Variants in NOX4 observed in about 807,000 individuals in gnomAD.
NOX4 encodes the protein kidney oxidase-1.
NOX4 carries 69 observed loss-of-function variants against 87.6 expected under a neutral mutation model. The ratio of observed to expected loss-of-function variants is 0.79; its 90% CI spans 0.65 to 0.96. NOX4 has a LOEUF of 0.96. NOX4 is among the 40% of genes least tolerant of loss of function. NOX4 has a pLI of 0.00. For synonymous variants in NOX4, 275 were observed against 238.2 expected (o/e 1.15, Z -1.42); for missense variants, 680 against 681.5 (o/e 1.00, Z 0.02).
intron 12 of NOX4, among the ~76,000 whole-genome samples, chr11:89,355,921 G>C (rs1326620959): frequency 6.6e-6 from 1 of 152,070 alleles, no homozygotes; most frequent in East Asian, 1.9e-4. Flanking sequence ...ATTGACATGA[G>C]AGAATGGACA....
At chr11:89,456,712 C>T (rs978676151) in intron 2 of NOX4, among the ~76,000 whole-genome samples, 2 of 152,126 alleles carry the variant, frequency 1.3e-5, no homozygotes, top group Non-Finnish European at 2.9e-5. Context: ...ATGACTCCCA[C>T]GGACACTTGA....
At chr11:89,560,977 T>C in the NOX4 span, among the ~76,000 whole-genome samples, 1 of 72,496 alleles carries the variant, frequency 1.4e-5, no homozygotes, top group Admixed American at 1.6e-4. Context: ...TCTCTCTCTC[T>C]CTCTCTCTCT....
the NOX4 span, among the ~76,000 whole-genome samples, chr11:89,532,867 G>C: frequency 6.6e-6 from 1 of 152,088 alleles, no homozygotes; most frequent in Non-Finnish European, 1.5e-5. Context: ...TGGTTTAAAA[G>C]TGTGTGGCAT....
At chr11:89,444,041 G>T (rs1944572946) in intron 5 of NOX4, 94 bp downstream of exon 5, 1 of 975,740 alleles carries the variant, frequency 1.0e-6, no homozygotes, top group Admixed American at 1.8e-5. Flanking sequence ...CTCAAAAGGA[G>T]CAGTAAGGTA....
Position 89,491,285 on chromosome 11 carries a change from A to T in NOX4, c.-39T>A. 6.3e-7 allele frequency: 1 copy of T among 1,595,268 alleles called. No individual in the cohort carries two copies. Among genetic ancestry groups the T allele is most frequent in the South Asian group, 1.1e-5 (1 of 89,240 alleles). ...CCGCGCTGCGCTCTGTGCCCGCCGG[A>T]CCGAGAAGGAGCGGGCGGCGGCCGG... On this transcript the variant is annotated 5_prime_UTR_variant, in exon 1 of 18. Coordinates refer to ENST00000263317, the MANE Select transcript of NOX4 (RefSeq NM_016931.5).
intron 2 of NOX4, among the ~76,000 whole-genome samples, chr11:89,457,916 C>G (rs1448852850): frequency 2.0e-5 from 3 of 151,330 alleles, no homozygotes; most frequent in Non-Finnish European, 4.4e-5. Context: ...ATAACACAAA[C>G]AAATGAAAAA....
At chr11:89,520,405 A>C in the NOX4 span, among the ~76,000 whole-genome samples, 1 of 152,146 alleles carries the variant, frequency 6.6e-6, no homozygotes, top group South Asian at 2.1e-4. Flanking sequence ...TCACTCTATC[A>C]GCAAACACAA....
chr11:89,486,414 C>T (rs902136296), intron 2 of NOX4, among the ~76,000 whole-genome samples: 2 of 149,296 alleles, frequency 1.3e-5, no homozygotes, highest in Admixed American at 6.7e-5. Context: ...CTGCCTCAGC[C>T]TTCCAAGTAG....
chr11:89,577,861 C>T, the NOX4 span, among the ~76,000 whole-genome samples: 1 of 152,092 alleles, frequency 6.6e-6, no homozygotes, highest in East Asian at 1.9e-4. Context: ...TTTTACTTTT[C>T]CAAAGATTTT....
At chr11:89,399,086 T>C (rs1365237041) in intron 11 of NOX4, among the ~76,000 whole-genome samples, 2 of 151,928 alleles carry the variant, frequency 1.3e-5, no homozygotes, top group Non-Finnish European at 2.9e-5. Context: ...ATCTGTGAAT[T>C]GTCTAAATGT....
chr11:89,380,043 G>A (rs897494759), intron 11 of NOX4, among the ~76,000 whole-genome samples: 6 of 152,086 alleles, frequency 3.9e-5, no homozygotes, highest in Non-Finnish European at 7.4e-5. Flanking sequence ...TAAATGTTCT[G>A]GATATATGAG....
At chr11:89,375,586 G>A (rs1038576598) in intron 11 of NOX4, among the ~76,000 whole-genome samples, 3 of 151,740 alleles carry the variant, frequency 2.0e-5, no homozygotes, top group African/African-American at 7.3e-5. Flanking sequence ...GAGATTACAG[G>A]CATGAGCTAC....
At chr11:89,367,010 T>TA (rs949534005) in intron 12 of NOX4, among the ~76,000 whole-genome samples, 1 of 152,054 alleles carries the variant, frequency 6.6e-6, no homozygotes, top group Non-Finnish European at 1.5e-5. Flanking sequence ...ATTTTCCTGA[T>TA]AAAAAAATTT....
upstream of NOX4, among the ~76,000 whole-genome samples, chr11:89,496,590 A>AG (rs1565358897): frequency 6.6e-6 from 1 of 151,884 alleles, no homozygotes; most frequent in African/African-American, 2.4e-5. Context: ...TAAAAAAAAA[A>AG]AGAGAAAAAA....
chr11:89,546,160 C>T, the NOX4 span, among the ~76,000 whole-genome samples: 2 of 152,262 alleles, frequency 1.3e-5, no homozygotes, highest in East Asian at 3.9e-4. Flanking sequence ...TGCCTTAGTT[C>T]AGGCTCTCAA....
chr11:89,536,897 C>T, the NOX4 span, among the ~76,000 whole-genome samples: 2 of 152,302 alleles, frequency 1.3e-5, no homozygotes, highest in African/African-American at 4.8e-5. Flanking sequence ...CTCTTTCTTC[C>T]ATACCAGAAT....
intron 11 of NOX4, among the ~76,000 whole-genome samples, chr11:89,396,645 C>G (rs532815897): frequency 1.3e-5 from 2 of 151,026 alleles, no homozygotes; most frequent in East Asian, 3.9e-4. Flanking sequence ...AAATGGAAAA[C>G]AAAAAAAAGC....
At chr11:89,533,164 G>A in the NOX4 span, among the ~76,000 whole-genome samples, 1 of 152,184 alleles carries the variant, frequency 6.6e-6, no homozygotes, top group Non-Finnish European at 1.5e-5. Flanking sequence ...CACAGTGTGT[G>A]ACATATAGTA....
chr11:89,450,722 C>A (rs1005880894), intron 3 of NOX4, among the ~76,000 whole-genome samples: 3 of 138,566 alleles, frequency 2.2e-5, no homozygotes, highest in African/African-American at 8.0e-5. Context: ...TCCCTCCCCC[C>A]TCCCCCTGAC....
Sources: allele counts gnomAD v4.1 joint callset (sites outside exome capture counted in the v4.1 genomes callset), GRCh38; gene constraint gnomAD v4.1.1; transcripts MANE v1.5; gene names NCBI Gene and HGNC (gene_info 2026-07-23, HGNC 2026-07-21).